Variants in NDEL1 observed in about 807,000 individuals in gnomAD.
NDEL1 encodes nudE neurodevelopment protein 1 like 1, also known as nuclear distribution protein nudE-like 1.
NDEL1 carries 9 observed loss-of-function variants against 45.7 expected under a neutral mutation model. That is an observed-to-expected ratio of 0.20 (90% CI 0.12 to 0.34). The LOEUF is 0.34. NDEL1 is among the 10% of genes least tolerant of loss of function. The pLI, the probability that NDEL1 is intolerant of heterozygous loss-of-function variation, is 1.00. For synonymous variants in NDEL1, 133 were observed against 158.6 expected, an observed-to-expected ratio of 0.84 and a Z score of 1.21; for missense variants, 306 against 406.2, an observed-to-expected ratio of 0.75 and a Z score of 2.12.
At position 8,467,121 on chromosome 17, in the gene NDEL1, G is replaced by A. The variant is rs763539453; in HGVS notation, c.*98G>A. On this transcript the variant is annotated 3_prime_UTR_variant, in exon 9 of 9. Coordinates refer to ENST00000334527, the MANE Select transcript of NDEL1 (RefSeq NM_030808.5). The surrounding 1 kb of genome is among the most constrained non-coding windows in gnomAD (Gnocchi z 6.3). ...CCTGGGCCCAGCCCCGTGCCCCTCC[G>A]TCTGCCTCCGCACGGCTGGCAGAGG... 11 of 1,205,744 alleles carry A rather than the reference G, an allele frequency of 9.1e-6. No individual in the cohort carries two copies. The highest frequency in any genetic ancestry group is 2.6e-5 in the South Asian group (2 of 77,464). 74.7% of individuals were successfully genotyped at this position (1,205,744 alleles called of 1,614,324 possible).
intron 1 of NDEL1, among the ~76,000 whole-genome samples, chr17:8,421,607 C>T (rs1174392832): frequency 6.6e-6 from 1 of 152,180 alleles, no homozygotes; most frequent in Non-Finnish European, 1.5e-5. Context: ...GGTTTAGACA[C>T]TACTGACCTT....
chr17:8,438,739 G>A (rs1909519638), intron 1 of NDEL1, among the ~76,000 whole-genome samples: 1 of 151,746 alleles, frequency 6.6e-6, no homozygotes, highest in African/African-American at 2.4e-5. Context: ...TGGCCTTGAA[G>A]TTCCAGGCTC....
At chr17:8,415,294 T>TC (rs1038612201) in intron 1 of NDEL1, among the ~76,000 whole-genome samples, 2 of 150,882 alleles carry the variant, frequency 1.3e-5, no homozygotes, top group African/African-American at 4.9e-5. Flanking sequence ...TCCTCCCACC[T>TC]CAGCCTGCCA....
chr17:8,419,922 G>T (rs1205261001), intron 1 of NDEL1, among the ~76,000 whole-genome samples: 1 of 152,128 alleles, frequency 6.6e-6, no homozygotes, highest in Non-Finnish European at 1.5e-5. Context: ...GGAATGAGGA[G>T]AATAAAGAAG....
intron 1 of NDEL1, 72 bp downstream of exon 1, chr17:8,436,117 G>A: frequency 6.7e-6 from 2 of 299,520 alleles, no homozygotes. Context: ...TGCCCTTGGG[G>A]AGCCTTCCCG....
chr17:8,436,435 CT>C (rs1443304107), intron 1 of NDEL1: 1 of 153,712 alleles, frequency 6.5e-6, no homozygotes. Flanking sequence ...CTCCTACCCC[CT>C]CTTCGAAATT....
At chr17:8,440,158 A>G (rs1257166410) in intron 1 of NDEL1, among the ~76,000 whole-genome samples, 1 of 152,232 alleles carries the variant, frequency 6.6e-6, no homozygotes, top group Non-Finnish European at 1.5e-5. Flanking sequence ...TAAGCGGGTT[A>G]TGAAAATAGC....
At chr17:8,438,676 C>G (rs1909516103) in intron 1 of NDEL1, among the ~76,000 whole-genome samples, 1 of 152,044 alleles carries the variant, frequency 6.6e-6, no homozygotes. Flanking sequence ...CCACCACACC[C>G]AGCTCATTTT....
chr17:8,429,814 C>T (rs1315684052), intron 1 of NDEL1, among the ~76,000 whole-genome samples: 1 of 152,062 alleles, frequency 6.6e-6, no homozygotes, highest in Non-Finnish European at 1.5e-5. Flanking sequence ...GGATGCTCTG[C>T]ATACAGTGAG....
intron 8 of NDEL1, chr17:8,464,462 C>T (rs911435475): frequency 6.6e-6 from 1 of 152,104 alleles, no homozygotes; most frequent in Non-Finnish European, 1.5e-5. Flanking sequence ...ACCTGTCATC[C>T]CATCTAGAAG....
intron 1 of NDEL1, among the ~76,000 whole-genome samples, chr17:8,440,706 A>G (rs1374183059): frequency 3.3e-5 from 5 of 152,234 alleles, no homozygotes; most frequent in Admixed American, 6.5e-5. Context: ...TTGTATTAAG[A>G]ATATGTCCCT....
chr17:8,433,277 T>A (rs1282861521), upstream of NDEL1, among the ~76,000 whole-genome samples: 1 of 152,222 alleles, frequency 6.6e-6, no homozygotes, highest in East Asian at 1.9e-4. Flanking sequence ...TGTTGAGATA[T>A]CTGTGGTGCT....
intron 4 of NDEL1, among the ~76,000 whole-genome samples, chr17:8,447,216 C>T (rs904401323): frequency 6.6e-6 from 1 of 152,204 alleles, no homozygotes; most frequent in Non-Finnish European, 1.5e-5. Flanking sequence ...GATCTCGGCT[C>T]ACTGCAACCT....
chr17:8,462,383 C>T (rs1035608785), intron 8 of NDEL1, among the ~76,000 whole-genome samples: 2 of 152,108 alleles, frequency 1.3e-5, no homozygotes, highest in African/African-American at 2.4e-5. Context: ...TTGCTGTATT[C>T]CTGAGGATAA....
intron 8 of NDEL1, chr17:8,464,250 C>CTT (rs61332280): frequency 5.9e-5 from 9 of 151,980 alleles, no homozygotes; most frequent in African/African-American, 2.2e-4. Context: ...GCTCTGGAAC[C>CTT]TTTTTTTTAC....
Position 8,439,344 on chromosome 17 carries a change from G to A in NDEL1, c.-13+3299G>A, listed in dbSNP as rs572424307. 1.5e-4 allele frequency among the ~76,000 whole-genome samples: 22 copies of A among 146,464 alleles called. 1 individual carries two copies. The East Asian group carries it at 4.3e-3, about 28-fold the overall frequency. The stretch of plus-strand genomic sequence containing the variant: ...CAACCTCCTCCTCCCGGGTTTGAGC[G>A]ATTCTCCTGCCTCAGCCTCCTGAGT... On this transcript the variant is annotated intron_variant, in intron 1 of 8. Coordinates refer to ENST00000334527, the MANE Select transcript of NDEL1 (RefSeq NM_030808.5).
upstream of NDEL1, chr17:8,435,765 C>G (rs780864310): frequency 2.8e-6 from 1 of 355,158 alleles, no homozygotes; most frequent in South Asian, 2.0e-5. Context: ...GCGCGCCGGG[C>G]TCTGGCCCGC....
At chr17:8,439,713 G>C (rs75314911) in intron 1 of NDEL1, among the ~76,000 whole-genome samples, 1,714 of 152,252 alleles carry the variant, frequency 0.011, 30 homozygotes, top group African/African-American at 0.039. Context: ...AAATTTTGAA[G>C]CCTGTTTACT....
At chr17:8,428,743 G>A (rs866333906) in intron 1 of NDEL1, among the ~76,000 whole-genome samples, 96 of 151,030 alleles carry the variant, frequency 6.4e-4, no homozygotes, top group African/African-American at 2.0e-3. Context: ...GCATGATCTC[G>A]GCTCACTGCA....
Sources: allele counts gnomAD v4.1 joint callset (sites outside exome capture counted in the v4.1 genomes callset), GRCh38; gene constraint gnomAD v4.1.1; non-coding constraint Gnocchi (gnomAD v3.1); transcripts MANE v1.5; gene names NCBI Gene and HGNC (gene_info 2026-07-23, HGNC 2026-07-21).